The following TMTC2 variants were observed in gnomAD, a reference collection of about 807,000 sequenced individuals.
TMTC2 encodes the protein protein O-mannosyl-transferase TMTC2.
TMTC2 carries 43 observed loss-of-function variants against 82.4 expected under a neutral mutation model. That is an observed-to-expected ratio of 0.52 (90% CI 0.41 to 0.67). TMTC2 has a LOEUF of 0.67. TMTC2 is among the 30% of genes least tolerant of loss of function. TMTC2 has a pLI of 0.00. For missense variants in TMTC2, 919 were observed against 1,012.4 expected, an observed-to-expected ratio of 0.91 and a Z score of 1.25; for synonymous variants, 408 against 381.9, an observed-to-expected ratio of 1.07 and a Z score of -0.80.
chr12:83,045,026 A>G (rs867646625), intron 9 of TMTC2, among the ~76,000 whole-genome samples: 4 of 152,228 alleles, frequency 2.6e-5, no homozygotes, highest in African/African-American at 9.6e-5. Flanking sequence ...CAAGCTTGTC[A>G]TATTGAAATG....
chr12:82,863,160 C>G (rs1871634647), intron 2 of TMTC2, among the ~76,000 whole-genome samples: 2 of 151,202 alleles, frequency 1.3e-5, no homozygotes, highest in East Asian at 1.9e-4. Context: ...AAGTTGTGAC[C>G]CCCCCCCAAT....
intron 9 of TMTC2, among the ~76,000 whole-genome samples, chr12:83,036,756 A>C (rs1881679668): frequency 6.6e-6 from 1 of 152,166 alleles, no homozygotes; most frequent in Non-Finnish European, 1.5e-5. Context: ...TGGGTAATTT[A>C]TAAAGAAAAG....
At chr12:82,822,822 TCGTATAGCTGGGCACG>T (rs1869194037) in intron 1 of TMTC2, among the ~76,000 whole-genome samples, 1 of 152,196 alleles carries the variant, frequency 6.6e-6, no homozygotes, top group Non-Finnish European at 1.5e-5. Flanking sequence ...ATTTTGTGCT[TCGTATAGCTGGGCACG>T]CTGCAGTACG....
chr12:82,806,451 G>A (rs1035576695), intron 1 of TMTC2, among the ~76,000 whole-genome samples: 4 of 152,012 alleles, frequency 2.6e-5, no homozygotes, highest in African/African-American at 9.7e-5. Flanking sequence ...TGGCATTTTT[G>A]TTTATTCTCC....
chr12:83,104,220 T>G (rs74446317), intron 11 of TMTC2, among the ~76,000 whole-genome samples: 8,342 of 152,246 alleles, frequency 0.055, 339 homozygotes, highest in East Asian at 0.22. Flanking sequence ...CAGAGTGCAA[T>G]CTCCTGGTGG....
At chr12:83,072,334 T>A (rs1883147881) in intron 11 of TMTC2, among the ~76,000 whole-genome samples, 1 of 152,218 alleles carries the variant, frequency 6.6e-6, no homozygotes, top group Non-Finnish European at 1.5e-5. Flanking sequence ...TTGGAGTTGA[T>A]TTCCGGCTTT....
chr12:82,764,870 A>C (rs1876858303), intron 1 of TMTC2, among the ~76,000 whole-genome samples: 1 of 151,168 alleles, frequency 6.6e-6, no homozygotes. Context: ...GATGACATAG[A>C]CAAATAGGGC....
At chr12:83,118,249 G>A (rs914033486) in intron 11 of TMTC2, among the ~76,000 whole-genome samples, 41 of 152,172 alleles carry the variant, frequency 2.7e-4, no homozygotes, top group African/African-American at 9.6e-4. Context: ...TCTTGTTCCA[G>A]TTCTCTAGAG....
rs1420278155 is a variant in TMTC2 at position 82,896,119 on chromosome 12, G to T, written c.956G>T (p.Gly319Val). The change falls in exon 3 of 12, where the codon GGA (glycine) becomes GTA (valine). Residue 319 changes from glycine to valine, a missense_variant. Coordinates refer to ENST00000321196, the MANE Select transcript of TMTC2 (RefSeq NM_152588.3). Reference protein sequence around the residue: ...RNLHTVAFYTGLLLLAYYGLK... With the variant: ...RNLHTVAFYTVLLLLAYYGLK... ...CTACACACTGTGGCCTTCTATACTG[G>T]ACTCCTTCTCCTTGCCTACTATGGT... The T allele has an allele frequency of 1.2e-6, 2 of 1,613,866 alleles. No individual in the cohort carries two copies. Among genetic ancestry groups the T allele is most frequent in the East Asian group, 4.5e-5 (2 of 44,866 alleles).
At chr12:83,009,296 T>C (rs979352852) in intron 8 of TMTC2, among the ~76,000 whole-genome samples, 2 of 152,112 alleles carry the variant, frequency 1.3e-5, no homozygotes, top group African/African-American at 4.8e-5. Flanking sequence ...TATGAAAACT[T>C]AGTCCGGTTC....
In TMTC2 at chr12:83,007,096, G is replaced by GA. The variant is rs1162031532; in HGVS notation, c.2070+21057dup. Among the ~76,000 whole-genome samples, 6 of 150,048 alleles carry GA rather than the reference G, an allele frequency of 4.0e-5. No individual in the cohort carries two copies. The East Asian group carries it at 9.8e-4, about 24-fold the overall frequency. ...GTACCCTAGAACTTAAAGTATAATA[G>GA]AAAAAAACCCAGAAAATTTAGAATT... On this transcript the variant is annotated intron_variant, in intron 8 of 11. Transcript: ENST00000321196.
At chr12:82,730,098 G>C (rs914581083) in intron 1 of TMTC2, among the ~76,000 whole-genome samples, 56 of 152,060 alleles carry the variant, frequency 3.7e-4, no homozygotes, top group South Asian at 8.3e-4. Context: ...CACTCACTGC[G>C]AGGGTCTGTG....
chr12:82,753,452 AAATAT>A (rs149942142), intron 1 of TMTC2, among the ~76,000 whole-genome samples: 2,459 of 152,072 alleles, frequency 0.016, 65 homozygotes, highest in African/African-American at 0.054. Flanking sequence ...TTTTAAAAGT[AAATAT>A]AATGTTATAA....
At chr12:82,740,113 T>C (rs1565729544) in intron 1 of TMTC2, among the ~76,000 whole-genome samples, 1 of 152,188 alleles carries the variant, frequency 6.6e-6, no homozygotes. Context: ...CCTCTGCTGT[T>C]AATGAAAATT....
At chr12:83,064,501 C>A (rs1338126286) in intron 11 of TMTC2, among the ~76,000 whole-genome samples, 4 of 151,714 alleles carry the variant, frequency 2.6e-5, no homozygotes, top group Non-Finnish European at 5.9e-5. Context: ...ATGATGTTAC[C>A]ATTGATGGAT....
At chr12:83,083,405 A>G (rs903334880) in intron 11 of TMTC2, among the ~76,000 whole-genome samples, 8 of 152,108 alleles carry the variant, frequency 5.3e-5, no homozygotes, top group African/African-American at 1.4e-4. Flanking sequence ...AGCATCTCCT[A>G]TCATTGAGAC....
chr12:83,091,334 A>G (rs902272186), intron 11 of TMTC2, among the ~76,000 whole-genome samples: 18 of 152,172 alleles, frequency 1.2e-4, no homozygotes, highest in African/African-American at 4.3e-4. Context: ...TTTTTTCCCC[A>G]AACTACTGTT....
chr12:82,730,562 T>C (rs1388089992), intron 1 of TMTC2, among the ~76,000 whole-genome samples: 1 of 152,216 alleles, frequency 6.6e-6, no homozygotes, highest in African/African-American at 2.4e-5. Flanking sequence ...CTACTGAGCA[T>C]TCTCTTGAAT....
Position 82,696,964 on chromosome 12 carries a change from G to GTATATATATATATATATATA in TMTC2, c.83+9314_83+9315insATATATATATATATATATAT, listed in dbSNP as rs3993380. Among the ~76,000 whole-genome samples the GTATATATATATATATATATA allele has an allele frequency of 5.5e-4, 78 of 141,524 alleles. 2 individuals are homozygous for GTATATATATATATATATATA. Among genetic ancestry groups the GTATATATATATATATATATA allele is most frequent in the African/African-American group, 1.9e-3 (72 of 38,130 alleles). The allele number at this position is 141,524 out of a possible 152,430, so 92.8% of individuals were successfully genotyped here. A position where few individuals can be genotyped will look rare whatever the true frequency, so the allele number is the denominator to read the frequency against. On this transcript the variant is annotated intron_variant, in intron 1 of 11. Coordinates refer to ENST00000321196, the MANE Select transcript of TMTC2 (RefSeq NM_152588.3). Reference sequence around the variant, plus strand: ...GCTCTCTTTCTACATACATACATACGTATATATATATATATATATGTTTCT... The same window carrying GTATATATATATATATATATA: ...GCTCTCTTTCTACATACATACATACGTATATATATATATATATATATATATATATATATATATATGTTTCT...
Sources: gnomAD v4.1 joint callset for allele counts (sites outside exome capture counted in the v4.1 genomes callset) on GRCh38, gnomAD v4.1.1 for gene constraint, MANE v1.5 for transcripts, NCBI Gene and HGNC (gene_info 2026-07-23, HGNC 2026-07-21) for gene names.